SBF2: variants seen among roughly 807,000 people sequenced by gnomAD.
SBF2 encodes myotubularin-related protein 13.
SBF2 carries 112 observed loss-of-function variants against 225.2 expected under a neutral mutation model. The observed-to-expected ratio is 0.50, with a 90% CI of 0.43 to 0.58. The LOEUF (loss-of-function observed/expected upper bound fraction) is 0.58, where lower values mean the gene tolerates loss of function less well. Ranked by LOEUF, SBF2 falls within the 20% of genes least tolerant of loss-of-function variation. The pLI is 0.00. For synonymous variants in SBF2, 763 were observed against 773.3 expected (o/e 0.99, Z 0.22); for missense variants, 1,996 against 2,206.2 (o/e 0.90, Z 1.91).
At chr11:10,200,163 T>C (rs1957521666) in intron 1 of SBF2, among the ~76,000 whole-genome samples, 2 of 152,228 alleles carry the variant, frequency 1.3e-5, no homozygotes, top group African/African-American at 4.8e-5. Context: ...AGGTTACCTA[T>C]ACTCTAGTCC....
At chr11:9,972,441 C>T (rs565140204) in intron 13 of SBF2, among the ~76,000 whole-genome samples, 1 of 152,298 alleles carries the variant, frequency 6.6e-6, no homozygotes, top group African/African-American at 2.4e-5. Flanking sequence ...CAACTACTTA[C>T]ATTTTAGTAA....
At chr11:10,174,981 A>G (rs1035159644) in intron 2 of SBF2, among the ~76,000 whole-genome samples, 2 of 152,108 alleles carry the variant, frequency 1.3e-5, no homozygotes, top group African/African-American at 2.4e-5. Context: ...TGTCACCACC[A>G]GGCCTGCCCT....
intron 21 of SBF2, among the ~76,000 whole-genome samples, chr11:9,852,112 T>C (rs973618841): frequency 1.1e-4 from 16 of 152,192 alleles, no homozygotes; most frequent in African/African-American, 3.6e-4. Context: ...TTCTGTTATA[T>C]AGGCAAGAGG....
intron 1 of SBF2, among the ~76,000 whole-genome samples, chr11:10,234,410 A>G (rs995679764): frequency 6.6e-6 from 1 of 152,340 alleles, no homozygotes; most frequent in South Asian, 2.1e-4. Context: ...CAATTCATGT[A>G]CATTTTGTGA....
At chr11:9,817,140 T>A in intron 28 of SBF2, 116 bp from the exon 29 acceptor site, 1 of 1,100,428 alleles carries the variant, frequency 9.1e-7, no homozygotes, top group Non-Finnish European at 1.4e-6. Flanking sequence ...AGCTGATTAA[T>A]CTAAAAACCG....
chr11:10,211,089 A>G (rs145138275), intron 1 of SBF2, among the ~76,000 whole-genome samples: 175 of 148,750 alleles, frequency 1.2e-3, no homozygotes, highest in African/African-American at 3.8e-3. Flanking sequence ...ATTTTGCCCA[A>G]TCCCAGGTAT....
chr11:9,989,360 T>A, intron 13 of SBF2, 137 bp downstream of exon 13: 1 of 609,612 alleles, frequency 1.6e-6, no homozygotes, highest in Non-Finnish European at 2.9e-6. Flanking sequence ...GCTTGGGTGA[T>A]GAGTGCACCA....
At chr11:10,212,794 G>A (rs1182635438) in intron 1 of SBF2, among the ~76,000 whole-genome samples, 2 of 152,212 alleles carry the variant, frequency 1.3e-5, no homozygotes, top group Non-Finnish European at 2.9e-5. Context: ...GCTCACGCCT[G>A]TAACCCCAGC....
chr11:10,078,692 T>C (rs1951232802), intron 2 of SBF2, among the ~76,000 whole-genome samples: 1 of 152,126 alleles, frequency 6.6e-6, no homozygotes, highest in African/African-American at 2.4e-5. Flanking sequence ...GACGAGTTGA[T>C]GGGTGCAGCA....
chr11:10,138,332 A>G (rs1435126032), intron 2 of SBF2, among the ~76,000 whole-genome samples: 2 of 152,054 alleles, frequency 1.3e-5, no homozygotes, highest in Non-Finnish European at 2.9e-5. Flanking sequence ...GTCTCTAGTG[A>G]TATTTCATTT....
intron 26 of SBF2, among the ~76,000 whole-genome samples, chr11:9,833,094 G>A (rs1055717813): frequency 1.7e-4 from 26 of 152,174 alleles, no homozygotes; most frequent in African/African-American, 6.3e-4. Context: ...AATACAGCAT[G>A]CCAATATTAG....
chr11:10,213,090 G>T (rs1175404551), intron 1 of SBF2, among the ~76,000 whole-genome samples: 1 of 151,970 alleles, frequency 6.6e-6, no homozygotes, highest in Non-Finnish European at 1.5e-5. Context: ...GCCATTCCAG[G>T]ATTCCACTAA....
chr11:9,969,599 G>A (rs1213469717), intron 13 of SBF2, among the ~76,000 whole-genome samples: 5 of 152,086 alleles, frequency 3.3e-5, no homozygotes, highest in Non-Finnish European at 5.9e-5. Flanking sequence ...TGCCTGGAAT[G>A]CCTGTGCCCC....
At chr11:9,999,332 T>TG (rs1947851144) in intron 8 of SBF2, among the ~76,000 whole-genome samples, 11 of 148,772 alleles carry the variant, frequency 7.4e-5, no homozygotes, top group Non-Finnish European at 1.2e-4. Context: ...TATGTATGTA[T>TG]TTATTTTTGA....
chr11:9,900,691 CT>C (rs1189512332), intron 16 of SBF2, among the ~76,000 whole-genome samples: 1 of 152,128 alleles, frequency 6.6e-6, no homozygotes, highest in Non-Finnish European at 1.5e-5. Context: ...AGTGCTATTT[CT>C]TTTGCGGCAC....
intron 8 of SBF2, among the ~76,000 whole-genome samples, chr11:9,999,317 G>T (rs150913309): frequency 9.1e-6 from 1 of 109,512 alleles, no homozygotes; most frequent in Non-Finnish European, 2.0e-5. Flanking sequence ...ATGTATGTAT[G>T]TATGTATGTA....
Position 10,288,288 on chromosome 11 carries a change from G to A in SBF2, c.55+5727C>T, listed in dbSNP as rs117507331. On this transcript the variant is annotated intron_variant, in intron 1 of 39. Coordinates refer to ENST00000256190, the MANE Select transcript of SBF2 (RefSeq NM_030962.4). Reference sequence around the variant, plus strand: ...TTGTTCTGTGACCAGGAAGAATGAGGTCCTCAGACAACAAATGGAGGGTGA... The same window carrying A: ...TTGTTCTGTGACCAGGAAGAATGAGATCCTCAGACAACAAATGGAGGGTGA... 2.6e-5 allele frequency among the ~76,000 whole-genome samples: 4 copies of A among 152,272 alleles called. No individual in the cohort carries two copies. In the East Asian group the frequency reaches 7.7e-4, roughly 29 times the overall value.
chr11:10,140,290 A>G (rs1352411244), intron 2 of SBF2, among the ~76,000 whole-genome samples: 1 of 152,202 alleles, frequency 6.6e-6, no homozygotes, highest in Non-Finnish European at 1.5e-5. Context: ...AGGGGAACCA[A>G]CAATATGATT....
intron 1 of SBF2, among the ~76,000 whole-genome samples, chr11:10,204,183 C>G (rs1206034530): frequency 2.1e-5 from 3 of 144,288 alleles, no homozygotes; most frequent in African/African-American, 7.7e-5. Context: ...GCAGACTTCT[C>G]ATTATAAACA....
Sources: gnomAD v4.1 joint callset for allele counts (sites outside exome capture counted in the v4.1 genomes callset) on GRCh38, gnomAD v4.1.1 for gene constraint, MANE v1.5 for transcripts, NCBI Gene and HGNC (gene_info 2026-07-23, HGNC 2026-07-21) for gene names.